Variants in CENPO observed in about 807,000 individuals in gnomAD.
CENPO encodes centromere protein O, also known as centromeric protein O.
In CENPO, 30 loss-of-function variants were observed where a neutral mutation model predicts 36.1. The observed-to-expected ratio is 0.83, with a 90% CI of 0.62 to 1.13. The LOEUF (loss-of-function observed/expected upper bound fraction) is 1.13. CENPO is among the 50% of genes most tolerant of loss of function. The pLI, the probability that CENPO is intolerant of heterozygous loss-of-function variation, is 0.00. For missense variants in CENPO, 349 were observed against 357.8 expected (o/e 0.98, Z 0.20); for synonymous variants, 171 against 142.3 (o/e 1.20, Z -1.44).
chr2:24,805,749 C>G (rs1666373027), intron 3 of CENPO, among the ~76,000 whole-genome samples: 1 of 152,210 alleles, frequency 6.6e-6, no homozygotes, highest in Non-Finnish European at 1.5e-5. Context: ...GGGGATGCCT[C>G]CCAGTTAGGC....
At position 24,821,042 on chromosome 2, in the gene CENPO, C is replaced by G. The variant is rs983172099; in HGVS notation, c.*1724C>G. The G allele has an allele frequency of 3.1e-5, 22 of 720,288 alleles. No individual in the cohort carries two copies. The East Asian group carries it at 6.3e-4, about 21-fold the overall frequency. The allele number at this position is 720,288 out of a possible 1,614,324, so 44.6% of individuals were successfully genotyped here. ...TATCCGTGTGCTTGTTAGGTGTCAG[C>G]CGCCACCCCCCCCCCATATGCAGAT... On this transcript the variant is annotated 3_prime_UTR_variant, in exon 8 of 8. Transcript: ENST00000380834.
chr2:24,814,631 C>G, intron 4 of CENPO, 138 bp downstream of exon 4: 1 of 642,202 alleles, frequency 1.6e-6, no homozygotes. Context: ...CACACACACA[C>G]ACACACACAG....
At chr2:24,796,280 G>C (rs1446952893) in intron 2 of CENPO, among the ~76,000 whole-genome samples, 1 of 152,090 alleles carries the variant, frequency 6.6e-6, no homozygotes, top group Non-Finnish European at 1.5e-5. Context: ...CTTGAACCTG[G>C]GAGGTAGAGG....
intron 3 of CENPO, among the ~76,000 whole-genome samples, chr2:24,804,245 C>T (rs1021050618): frequency 6.6e-6 from 1 of 152,112 alleles, no homozygotes. Flanking sequence ...AGATGGGTCT[C>T]CTGAATACAG....
At chr2:24,797,578 G>C (rs1665961212) in intron 2 of CENPO, among the ~76,000 whole-genome samples, 1 of 152,190 alleles carries the variant, frequency 6.6e-6, no homozygotes, top group African/African-American at 2.4e-5. Context: ...AAAGCAGAAA[G>C]TGGGGTCAGA....
chr2:24,814,794 G>A (rs1268626097), intron 4 of CENPO: 1 of 276,428 alleles, frequency 3.6e-6, no homozygotes. Context: ...TGTCTTTACT[G>A]CTGGCTTGTT....
intron 3 of CENPO, among the ~76,000 whole-genome samples, chr2:24,804,909 C>T (rs1273336149): frequency 6.6e-6 from 1 of 152,164 alleles, no homozygotes; most frequent in Non-Finnish European, 1.5e-5. Flanking sequence ...TGGATAATAT[C>T]CTGCAGAGTG....
intron 7 of CENPO, 65 bp downstream of exon 7, chr2:24,817,906 C>A: frequency 7.3e-7 from 1 of 1,363,904 alleles, no homozygotes; most frequent in Non-Finnish European, 1.0e-6. Flanking sequence ...GTACATCACC[C>A]TTCTGATGAA....
At chr2:24,793,761 C>A in intron 1 of CENPO, 91 bp from the exon 2 acceptor site, 1 of 1,074,240 alleles carries the variant, frequency 9.3e-7, no homozygotes, top group Non-Finnish European at 1.4e-6. Context: ...CATCCGCGGC[C>A]CAGGGGTTGT....
chr2:24,810,079 T>C (rs1355307469), intron 3 of CENPO, among the ~76,000 whole-genome samples: 1 of 151,894 alleles, frequency 6.6e-6, no homozygotes, highest in Non-Finnish European at 1.5e-5. Context: ...TTCTTATTGA[T>C]TTACTTGTCT....
At chr2:24,810,181 T>C (rs1666612678) in intron 3 of CENPO, among the ~76,000 whole-genome samples, 1 of 152,214 alleles carries the variant, frequency 6.6e-6, no homozygotes, top group African/African-American at 2.4e-5. Context: ...CTATATATAT[T>C]GGGTGGCAAC....
chr2:24,794,179 A>G (rs1163560948), intron 2 of CENPO, among the ~76,000 whole-genome samples: 3 of 152,220 alleles, frequency 2.0e-5, no homozygotes, highest in East Asian at 1.9e-4. Context: ...TTTGAAACGG[A>G]TAAGTTGCAT....
chr2:24,793,787 G>C, intron 1 of CENPO, 65 bp from the exon 2 acceptor site: 1 of 1,235,526 alleles, frequency 8.1e-7, no homozygotes, highest in South Asian at 1.2e-5. Context: ...AGTGGTGTGT[G>C]CCCTGCCGTC....
chr2:24,811,077 G>A (rs953931083), intron 3 of CENPO, among the ~76,000 whole-genome samples: 1 of 151,304 alleles, frequency 6.6e-6, no homozygotes, highest in Admixed American at 6.6e-5. Flanking sequence ...CCAAGTAGGT[G>A]GGATTACAGA....
In CENPO at chr2:24,816,817, G is replaced by C. The variant is rs369887922; in HGVS notation, c.766G>C (p.Gly256Arg). 6.3e-7 allele frequency: 1 copy of C among 1,588,278 alleles called. No homozygotes were observed. Among genetic ancestry groups the C allele is most frequent in the Non-Finnish European group, 8.6e-7 (1 of 1,167,474 alleles). Reference sequence around the variant, plus strand: ...CACTGACGTCACCGTGACATGTCAAGGTAAGAAGGGTGCCTCAGTGCAGAA... The same window carrying C: ...CACTGACGTCACCGTGACATGTCAACGTAAGAAGGGTGCCTCAGTGCAGAA... The part of the protein sequence containing the change: ...LPTDVTVTCQ[G>R]VEVLSTSWEE... Residue 256 changes from glycine to arginine, a missense_variant and splice_region_variant, in exon 6 of 8, where the codon GGA becomes CGA. Physicochemically the swap from Gly to Arg is moderately radical, Grantham distance 125 (BLOSUM62 -2). Coordinates refer to ENST00000380834, the MANE Select transcript of CENPO (RefSeq NM_001322101.2).
rs181331169 is a variant in CENPO at position 24,798,503 on chromosome 2, T to C, written c.47-1172T>C. 2.9e-3 allele frequency among the ~76,000 whole-genome samples: 441 copies of C among 152,158 alleles called. 1 individual carries two copies. The highest frequency in any genetic ancestry group is 3.8e-3 in the Non-Finnish European group (257 of 67,992). On this transcript the variant is annotated intron_variant, in intron 2 of 7. Coordinates refer to ENST00000380834, the MANE Select transcript of CENPO (RefSeq NM_001322101.2). Reference sequence around the variant, plus strand: ...TTTTTTTGAGACGGAGTCTGTCACCTAGGCTGGAGTGCAGTGGCACGATCT... The same window carrying C: ...TTTTTTTGAGACGGAGTCTGTCACCCAGGCTGGAGTGCAGTGGCACGATCT...
At chr2:24,815,901 A>C (rs1244504873) in intron 5 of CENPO, 145 bp downstream of exon 5, 4 of 754,456 alleles carry the variant, frequency 5.3e-6, no homozygotes, top group African/African-American at 5.3e-5. Flanking sequence ...ATTTATATAA[A>C]AGCACTATCC....
chr2:24,821,033 A>G lies in CENPO; in HGVS notation c.*1715A>G. The G allele has an allele frequency of 1.2e-6, 1 of 821,784 alleles. No homozygotes were observed. Among genetic ancestry groups the G allele is most frequent in the Non-Finnish European group, 1.8e-6 (1 of 553,234 alleles). The allele number at this position is 821,784 out of a possible 1,614,324, so 50.9% of individuals were successfully genotyped here. A position where few individuals can be genotyped will look rare whatever the true frequency, so the allele number is the denominator to read the frequency against. On this transcript the variant is annotated 3_prime_UTR_variant, in exon 8 of 8. Coordinates refer to ENST00000380834, the MANE Select transcript of CENPO (RefSeq NM_001322101.2). ...TCTCCTGTTTATCCGTGTGCTTGTT[A>G]GGTGTCAGCCGCCACCCCCCCCCCA...
chr2:24,812,323 T>A (rs1666729618), intron 3 of CENPO, among the ~76,000 whole-genome samples: 1 of 152,176 alleles, frequency 6.6e-6, no homozygotes, highest in Admixed American at 6.5e-5. Flanking sequence ...GAATATAATA[T>A]GTCTTTTTCT....
Sources: allele counts gnomAD v4.1 joint callset (sites outside exome capture counted in the v4.1 genomes callset), GRCh38; gene constraint gnomAD v4.1.1; transcripts MANE v1.5; gene names NCBI Gene and HGNC (gene_info 2026-07-23, HGNC 2026-07-21).